The following SASH1 variants were observed in gnomAD, a reference collection of about 807,000 sequenced individuals.
SASH1 encodes SAM and SH3 domain containing 1.
In SASH1, 44 loss-of-function variants were observed where a neutral mutation model predicts 125.2. The ratio of observed to expected loss-of-function variants is 0.35; its 90% CI spans 0.28 to 0.45. The LOEUF (loss-of-function observed/expected upper bound fraction) is 0.45. SASH1 is among the 20% of genes least tolerant of loss of function. The pLI is 1.00. For missense variants in SASH1, 1,426 were observed against 1,614.5 expected, an observed-to-expected ratio of 0.88 and a Z score of 2.00; for synonymous variants, 639 against 649.1, an observed-to-expected ratio of 0.98 and a Z score of 0.24.
chr6:148,531,238 T>C (rs138101629), intron 12 of SASH1, among the ~76,000 whole-genome samples: 1 of 152,184 alleles, frequency 6.6e-6, no homozygotes, highest in Non-Finnish European at 1.5e-5. Context: ...TCTAAACCTT[T>C]AAGTATTTTG....
At chr6:148,502,091 A>G (rs1361452434) in intron 8 of SASH1, among the ~76,000 whole-genome samples, 1 of 152,196 alleles carries the variant, frequency 6.6e-6, no homozygotes, top group African/African-American at 2.4e-5. Context: ...TAAAACTATC[A>G]TGTAATTATC....
upstream of SASH1, among the ~76,000 whole-genome samples, chr6:148,341,171 CAG>C (rs767007828): frequency 2.6e-4 from 39 of 151,830 alleles, no homozygotes; most frequent in Non-Finnish European, 5.1e-4. Context: ...TCTTTGGAGA[CAG>C]AGAGTCTTCC....
At chr6:148,501,717 C>T (rs1240882028) in intron 8 of SASH1, among the ~76,000 whole-genome samples, 3 of 152,148 alleles carry the variant, frequency 2.0e-5, no homozygotes, top group South Asian at 2.1e-4. Flanking sequence ...CCAGTCCTCT[C>T]GCCTCTACTT....
chr6:148,471,396 T>C (rs1423234615), intron 5 of SASH1, 21 bp from the exon 6 acceptor site: 1 of 1,232,278 alleles, frequency 8.1e-7, no homozygotes, highest in East Asian at 2.6e-5. Flanking sequence ...CTTTTTTTTT[T>C]TTTTTTTTTT....
intron 9 of SASH1, among the ~76,000 whole-genome samples, chr6:148,514,943 G>A (rs1466125106): frequency 6.6e-6 from 1 of 152,168 alleles, no homozygotes; most frequent in Non-Finnish European, 1.5e-5. Flanking sequence ...AGAGTCTCAA[G>A]TCTCAATTCA....
rs112456003 is a variant in SASH1 at position 148,488,569 on chromosome 6, C to A, written c.729+854C>A. Among the ~76,000 whole-genome samples the A allele has an allele frequency of 7.9e-4, 121 of 152,278 alleles. 1 individual carries two copies. The East Asian group carries it at 0.022, about 27-fold the overall frequency. ...TTCTGTATTTACCTTTTTGAGGAAC[C>A]GCCATATGTTTTCTCACAGTAGCTG... is the stretch of plus-strand genomic sequence containing the variant. On this transcript the variant is annotated intron_variant, in intron 8 of 19. Coordinates refer to ENST00000367467, the MANE Select transcript of SASH1 (RefSeq NM_015278.5).
intron 11 of SASH1, among the ~76,000 whole-genome samples, chr6:148,526,077 A>AAGAT (rs1742425138): frequency 2.6e-5 from 2 of 75,906 alleles, no homozygotes; most frequent in Non-Finnish European, 5.0e-5. Context: ...TTTTTTTTTT[A>AAGAT]AGATGGAGTC....
At chr6:148,261,092 A>C in the SASH1 span, among the ~76,000 whole-genome samples, 3 of 152,196 alleles carry the variant, frequency 2.0e-5, no homozygotes, top group African/African-American at 7.2e-5. Context: ...GGCGTGAGCC[A>C]CTGCGCCCGG....
chr6:148,424,271 G>C (rs1248910938), intron 2 of SASH1, among the ~76,000 whole-genome samples: 1 of 150,462 alleles, frequency 6.6e-6, no homozygotes, highest in Admixed American at 6.6e-5. Context: ...ACAGGGTCTC[G>C]CTCTGTCACC....
rs1428249117 is a variant in SASH1 at position 148,407,792 on chromosome 6, C to T, written c.285+17530C>T. Among the ~76,000 whole-genome samples the T allele has an allele frequency of 2.0e-5, 3 of 152,266 alleles. No individual in the cohort carries two copies. In the East Asian group the frequency reaches 5.8e-4, roughly 29 times the overall value. On this transcript the variant is annotated intron_variant, in intron 2 of 19. Coordinates refer to ENST00000367467, the MANE Select transcript of SASH1 (RefSeq NM_015278.5). The stretch of plus-strand genomic sequence containing the variant: ...GGACTACAGGCGCGCACCACCACAC[C>T]TGGCTAATTTTTGTATTTTTGGTAG...
chr6:148,473,749 G>T (rs879854402), intron 6 of SASH1, among the ~76,000 whole-genome samples: 15 of 152,212 alleles, frequency 9.9e-5, no homozygotes, highest in Non-Finnish European at 1.5e-5. Flanking sequence ...TGGAATGCTT[G>T]TATGATCCAG....
At chr6:148,542,891 T>G (rs1782318339) in intron 17 of SASH1, among the ~76,000 whole-genome samples, 1 of 151,304 alleles carries the variant, frequency 6.6e-6, no homozygotes, top group South Asian at 2.1e-4. Flanking sequence ...CGCGCGCACA[T>G]GTAAGTACTG....
chr6:148,399,483 C>T (rs970750891), intron 2 of SASH1, among the ~76,000 whole-genome samples: 3 of 151,966 alleles, frequency 2.0e-5, no homozygotes, highest in African/African-American at 7.3e-5. Flanking sequence ...GCGTCAGCCC[C>T]CCAAAATGCT....
chr6:148,411,420 C>A (rs1326062242), intron 2 of SASH1, among the ~76,000 whole-genome samples: 1 of 151,998 alleles, frequency 6.6e-6, no homozygotes, highest in African/African-American at 2.4e-5. Flanking sequence ...TATATCCAGT[C>A]AACATATATT....
chr6:148,522,545 G>A (rs1376659149), intron 10 of SASH1, among the ~76,000 whole-genome samples: 4 of 152,160 alleles, frequency 2.6e-5, no homozygotes, highest in African/African-American at 4.8e-5. Flanking sequence ...ACTGGAAGTG[G>A]TCACTTGTCT....
At chr6:148,505,268 TGCTGGCCATATGA>T (rs1465231335) in intron 8 of SASH1, among the ~76,000 whole-genome samples, 1 of 152,238 alleles carries the variant, frequency 6.6e-6, no homozygotes, top group African/African-American at 2.4e-5. Context: ...CAGCCTCAGA[TGCTGGCCATATGA>T]CAAGCTTTCA....
intron 2 of SASH1, among the ~76,000 whole-genome samples, chr6:148,427,290 G>A (rs533454957): frequency 6.6e-6 from 1 of 152,290 alleles, no homozygotes; most frequent in East Asian, 1.9e-4. Context: ...GTGGATTATA[G>A]TGTGGATATG....
At chr6:148,492,967 G>T (rs754357374) in intron 8 of SASH1, among the ~76,000 whole-genome samples, 1 of 152,122 alleles carries the variant, frequency 6.6e-6, no homozygotes, top group Admixed American at 6.5e-5. Flanking sequence ...TAGATGGCCC[G>T]CAAATAAATT....
chr6:148,277,329 A>C (rs1228618739), intron 1 of SASH1, among the ~76,000 whole-genome samples: 1 of 152,182 alleles, frequency 6.6e-6, no homozygotes, highest in Admixed American at 6.5e-5. Context: ...CGTTAACAAT[A>C]CCATGCTAAC....
Sources: gnomAD v4.1 joint callset for allele counts (sites outside exome capture counted in the v4.1 genomes callset) on GRCh38, gnomAD v4.1.1 for gene constraint, MANE v1.5 for transcripts, NCBI Gene and HGNC (gene_info 2026-07-23, HGNC 2026-07-21) for gene names.